ASTN2: variants seen among roughly 807,000 people sequenced by gnomAD.
The protein encoded by ASTN2 is astrotactin 2.
ASTN2 carries 54 observed loss-of-function variants against 139.8 expected under a neutral mutation model. That is an observed-to-expected ratio of 0.39 (90% CI 0.31 to 0.48). ASTN2 has a LOEUF of 0.48. Ranked by LOEUF, ASTN2 falls within the 20% of genes least tolerant of loss-of-function variation. ASTN2 has a pLI of 0.95. For missense variants in ASTN2, 1,565 were observed against 1,725.1 expected, an observed-to-expected ratio of 0.91 and a Z score of 1.64; for synonymous variants, 756 against 719.5, an observed-to-expected ratio of 1.05 and a Z score of -0.81.
intron 19 of ASTN2, chr9:116,583,876 G>GCT (rs1371361367): frequency 6.6e-6 from 1 of 152,162 alleles, no homozygotes; most frequent in Admixed American, 6.5e-5. Flanking sequence ...ATGTAGAAGA[G>GCT]ACCATCTTCA....
rs532754930 is a variant in ASTN2, at chr9:116,675,828, T to C, written c.2807-24035A>G. Among the ~76,000 whole-genome samples the C allele has an allele frequency of 1.7e-4, 26 of 152,238 alleles. No homozygotes were observed. The East Asian group carries it at 4.1e-3, about 24-fold the overall frequency. ...CTCTTGGCCTTGCCCAGAGACCCCA[T>C]TGTGAATTGCCATTTAGAGGTCATG... On this transcript the variant is annotated intron_variant, in intron 16 of 22. Transcript: ENST00000313400.
intron 19 of ASTN2, among the ~76,000 whole-genome samples, chr9:116,496,480 A>C (rs1352567370): frequency 6.6e-6 from 1 of 152,126 alleles, no homozygotes; most frequent in Non-Finnish European, 1.5e-5. Context: ...GAAGAGAAAA[A>C]GTCAATATAA....
At chr9:116,746,781 C>T (rs1829247454) in intron 13 of ASTN2, among the ~76,000 whole-genome samples, 1 of 152,156 alleles carries the variant, frequency 6.6e-6, no homozygotes, top group Non-Finnish European at 1.5e-5. Flanking sequence ...CATTATCACA[C>T]TGGACTGTTG....
At chr9:117,050,922 C>T (rs776199126) in intron 5 of ASTN2, among the ~76,000 whole-genome samples, 1 of 152,156 alleles carries the variant, frequency 6.6e-6, no homozygotes, top group Non-Finnish European at 1.5e-5. Flanking sequence ...TATGCATTCC[C>T]CTCCCCCATA....
intron 5 of ASTN2, among the ~76,000 whole-genome samples, chr9:117,077,622 C>G (rs887687827): frequency 6.6e-6 from 1 of 152,136 alleles, no homozygotes; most frequent in Non-Finnish European, 1.5e-5. Flanking sequence ...GTGGCAAGCA[C>G]CTGTAATTCC....
intron 2 of ASTN2, among the ~76,000 whole-genome samples, chr9:117,252,139 A>G (rs1239407630): frequency 6.6e-6 from 1 of 152,214 alleles, no homozygotes; most frequent in Non-Finnish European, 1.5e-5. Context: ...GAATGTCTTA[A>G]TCAAATGGAG....
intron 3 of ASTN2, among the ~76,000 whole-genome samples, chr9:117,179,882 A>C (rs1831013332): frequency 1.3e-5 from 2 of 152,116 alleles, no homozygotes; most frequent in South Asian, 4.1e-4. Flanking sequence ...TCCTTACCTC[A>C]GACATTACCC....
chr9:117,080,394 C>T (rs1038840642), intron 5 of ASTN2, among the ~76,000 whole-genome samples: 2 of 152,020 alleles, frequency 1.3e-5, no homozygotes, highest in Admixed American at 6.6e-5. Flanking sequence ...TCTAATTTTT[C>T]AGTATTAGAG....
At chr9:117,136,917 T>C (rs1198063095) in intron 4 of ASTN2, among the ~76,000 whole-genome samples, 1 of 152,238 alleles carries the variant, frequency 6.6e-6, no homozygotes, top group Non-Finnish European at 1.5e-5. Context: ...GAGCTCTTAT[T>C]AATTAGCTTA....
chr9:116,878,138 A>G (rs117526988), intron 10 of ASTN2, among the ~76,000 whole-genome samples: 10,515 of 152,310 alleles, frequency 0.069, 593 homozygotes, highest in East Asian at 0.3. Context: ...TCCATTGTGT[A>G]AGACAGTATG....
intron 11 of ASTN2, among the ~76,000 whole-genome samples, chr9:116,837,796 T>TG (rs541929749): frequency 4.1e-4 from 62 of 151,716 alleles, no homozygotes; most frequent in Middle Eastern, 3.2e-3. Flanking sequence ...ATGCTGGAGG[T>TG]GGGGCCCTGC....
chr9:117,338,574 C>G (rs1158579411), intron 1 of ASTN2, among the ~76,000 whole-genome samples: 1 of 151,956 alleles, frequency 6.6e-6, no homozygotes, highest in East Asian at 1.9e-4. Context: ...TAAAACATAC[C>G]CTAACACGTA....
chr9:116,769,247 A>C (rs1829894616), intron 13 of ASTN2, among the ~76,000 whole-genome samples: 1 of 152,198 alleles, frequency 6.6e-6, no homozygotes, highest in African/African-American at 2.4e-5. Flanking sequence ...GTGCTAAATA[A>C]AAGAGTTGGG....
intron 1 of ASTN2, among the ~76,000 whole-genome samples, chr9:117,365,489 G>A (rs571429657): frequency 2.8e-4 from 43 of 152,170 alleles, no homozygotes; most frequent in African/African-American, 1.0e-3. Context: ...CAGGCTGATG[G>A]GGCAGACAAT....
chr9:116,710,040 TACTC>T (rs1316054566), intron 16 of ASTN2, among the ~76,000 whole-genome samples: 1 of 152,208 alleles, frequency 6.6e-6, no homozygotes, highest in African/African-American at 2.4e-5. Context: ...TTCTTCTACT[TACTC>T]CCTCTTCTTC....
intron 19 of ASTN2, among the ~76,000 whole-genome samples, chr9:116,528,612 C>T (rs747389100): frequency 3.3e-5 from 5 of 152,150 alleles, no homozygotes; most frequent in Non-Finnish European, 7.3e-5. Flanking sequence ...ATGTTAATAG[C>T]CAAGACAATG....
At chr9:116,492,594 A>G (rs1849550074) in intron 19 of ASTN2, among the ~76,000 whole-genome samples, 2 of 152,168 alleles carry the variant, frequency 1.3e-5, no homozygotes, top group Non-Finnish European at 2.9e-5. Flanking sequence ...TGTACCAGCC[A>G]ACTTATGAGA....
chr9:116,770,162 A>T (rs896752441), intron 13 of ASTN2, among the ~76,000 whole-genome samples: 21 of 152,046 alleles, frequency 1.4e-4, no homozygotes, highest in Admixed American at 5.9e-4. Flanking sequence ...GGAGATCAAC[A>T]AGAGAACTTC....
At chr9:117,132,878 A>G (rs1312890903) in intron 4 of ASTN2, among the ~76,000 whole-genome samples, 2 of 152,214 alleles carry the variant, frequency 1.3e-5, no homozygotes, top group African/African-American at 4.8e-5. Context: ...AATCTACAGC[A>G]TGCTTTAAAG....
Sources: gnomAD v4.1 joint callset for allele counts (sites outside exome capture counted in the v4.1 genomes callset) on GRCh38, gnomAD v4.1.1 for gene constraint, MANE v1.5 for transcripts, NCBI Gene and HGNC (gene_info 2026-07-23, HGNC 2026-07-21) for gene names.